PRUNE2: variants seen among roughly 807,000 people sequenced by gnomAD.
The protein encoded by PRUNE2 is protein prune homolog 2.
In PRUNE2, 164 loss-of-function variants were observed where a neutral mutation model predicts 252.0. The observed-to-expected ratio is 0.65, with a 90% CI of 0.57 to 0.74. The LOEUF is 0.74. PRUNE2 is among the 30% of genes least tolerant of loss of function. The pLI, the probability that PRUNE2 is intolerant of heterozygous loss-of-function variation, is 0.00. For missense variants in PRUNE2, 3,495 were observed against 3,711.0 expected, an observed-to-expected ratio of 0.94 and a Z score of 1.51; for synonymous variants, 1,292 against 1,350.2, an observed-to-expected ratio of 0.96 and a Z score of 0.94.
chr9:76,648,060 A>C (rs1470330767), intron 11 of PRUNE2, among the ~76,000 whole-genome samples: 1 of 152,210 alleles, frequency 6.6e-6, no homozygotes, highest in Non-Finnish European at 1.5e-5. Flanking sequence ...ACAGGTAAGC[A>C]TGTGAAAAGA....
chr9:76,832,828 A>AC (rs2058743903), intron 4 of PRUNE2, among the ~76,000 whole-genome samples: 2 of 152,044 alleles, frequency 1.3e-5, no homozygotes, highest in African/African-American at 4.8e-5. Context: ...AAGAAGACAT[A>AC]GTTTACCAAT....
At chr9:76,777,150 G>A (rs751516906) in intron 6 of PRUNE2, among the ~76,000 whole-genome samples, 2 of 152,082 alleles carry the variant, frequency 1.3e-5, no homozygotes, top group African/African-American at 2.4e-5. Flanking sequence ...GTGGGGGAGG[G>A]CAGAGAAGGG....
chr9:76,872,320 C>A (rs1490712226), intron 1 of PRUNE2, among the ~76,000 whole-genome samples: 1 of 152,158 alleles, frequency 6.6e-6, no homozygotes, highest in Non-Finnish European at 1.5e-5. Context: ...AGCAACGATG[C>A]ACAAAAGCCA....
chr9:76,643,260 T>C (rs961235480), intron 12 of PRUNE2, among the ~76,000 whole-genome samples: 2 of 152,190 alleles, frequency 1.3e-5, no homozygotes, highest in Non-Finnish European at 2.9e-5. Context: ...ACAGGGACTC[T>C]GCATTTAGGA....
intron 6 of PRUNE2, among the ~76,000 whole-genome samples, chr9:76,776,911 C>T (rs925920410): frequency 2.7e-5 from 4 of 148,156 alleles, no homozygotes; most frequent in African/African-American, 1.0e-4. Context: ...CACACACACA[C>T]ACACACACAC....
At chr9:76,672,164 C>A in intron 9 of PRUNE2, among the ~76,000 whole-genome samples, 1 of 149,050 alleles carries the variant, frequency 6.7e-6, no homozygotes, top group Admixed American at 6.7e-5. Flanking sequence ...ACCCATCTCA[C>A]GTGCACAGAC....
chr9:76,632,661 A>T (rs1282672046), intron 15 of PRUNE2, among the ~76,000 whole-genome samples: 1 of 152,094 alleles, frequency 6.6e-6, no homozygotes, highest in Non-Finnish European at 1.5e-5. Context: ...GGGCTCAGGT[A>T]ATCCTCCTAT....
intron 9 of PRUNE2, among the ~76,000 whole-genome samples, chr9:76,657,970 C>T (rs1849854778): frequency 6.6e-6 from 1 of 152,180 alleles, no homozygotes; most frequent in Non-Finnish European, 1.5e-5. Flanking sequence ...CAGATTTCTT[C>T]CCCCTGTGTT....
chr9:76,636,645 T>C (rs1840187007), intron 14 of PRUNE2, 88 bp from the exon 15 acceptor site: 1 of 750,626 alleles, frequency 1.3e-6, no homozygotes, highest in African/African-American at 1.8e-5. Flanking sequence ...AATAAGAATA[T>C]ATATAATTTA....
intron 6 of PRUNE2, among the ~76,000 whole-genome samples, chr9:76,774,454 T>TTTATTTATTTATTTATTTA (rs1564272510): frequency 1.8e-5 from 1 of 54,530 alleles, no homozygotes; most frequent in Non-Finnish European, 3.1e-5. Context: ...TCAACCCTTT[T>TTTATTTATTTATTTATTTA]TTTTTTTTTT....
chr9:76,695,904 A>G (rs1452597326), intron 9 of PRUNE2, among the ~76,000 whole-genome samples: 2 of 152,132 alleles, frequency 1.3e-5, no homozygotes, highest in Admixed American at 6.5e-5. Context: ...AGATCTTTTC[A>G]GATGGAAAAA....
intron 1 of PRUNE2, among the ~76,000 whole-genome samples, chr9:76,893,615 G>A (rs2062626350): frequency 6.6e-6 from 1 of 152,224 alleles, no homozygotes; most frequent in Non-Finnish European, 1.5e-5. Flanking sequence ...CTTTGTGTAT[G>A]AATTGATTTG....
At chr9:76,773,060 T>A (rs1250672556) in intron 6 of PRUNE2, among the ~76,000 whole-genome samples, 6 of 152,242 alleles carry the variant, frequency 3.9e-5, no homozygotes, top group Non-Finnish European at 1.5e-5. Flanking sequence ...ATCAACAATA[T>A]AATTTCTTAC....
intron 6 of PRUNE2, among the ~76,000 whole-genome samples, chr9:76,728,791 T>A (rs78220745): frequency 0.012 from 1,753 of 152,304 alleles, 33 homozygotes; most frequent in East Asian, 0.082. Context: ...GCAAGTTACT[T>A]ATTAGGCTAA....
intron 11 of PRUNE2, among the ~76,000 whole-genome samples, chr9:76,647,992 C>T (rs1367301737): frequency 6.6e-6 from 1 of 151,736 alleles, no homozygotes; most frequent in Non-Finnish European, 1.5e-5. Flanking sequence ...AAAAACTCAA[C>T]AATAAGAAAA....
At chr9:76,744,214 T>A (rs1018895898) in intron 6 of PRUNE2, among the ~76,000 whole-genome samples, 1 of 152,248 alleles carries the variant, frequency 6.6e-6, no homozygotes. Flanking sequence ...TAATCATTTA[T>A]TCTGTTGGCA....
Position 76,827,320 on chromosome 9 carries a change from G to C in PRUNE2, c.509-588C>G, listed in dbSNP as rs184044481. 3.6e-3 allele frequency among the ~76,000 whole-genome samples: 554 copies of C among 152,244 alleles called. 4 individuals carry two copies. The highest frequency in any genetic ancestry group is 5.9e-3 in the Non-Finnish European group (404 of 68,024). On this transcript the variant is annotated intron_variant, in intron 4 of 18. Transcript: ENST00000376718. ...GTCATTTACAATTATCTAATTATAA[G>C]GACTCACAAGCTGGGTCTAAATCAC...
At chr9:76,819,736 T>A (rs559611603) in intron 6 of PRUNE2, among the ~76,000 whole-genome samples, 1 of 152,314 alleles carries the variant, frequency 6.6e-6, no homozygotes, top group African/African-American at 2.4e-5. Context: ...GGGAGATGCT[T>A]AAAGAAGATG....
rs764845013 is a variant in PRUNE2, at chr9:76,707,157, T to C, written c.5117A>G (p.Asn1706Ser). The change falls in exon 8 of 19, where the codon AAC becomes AGC. Residue 1706 changes from asparagine to serine, a missense_variant. Asn to Ser is a conservative substitution (Grantham distance 46). Transcript: ENST00000376718. ...ESIEEEIQVA[N>S]CHVAEDESRA... is the part of the protein sequence containing the mutation. ...GGATTCATCCTCAGCAACGTGGCAGTTGGCCACCTGGATCTCTTCCTCTAT... is the reference window on the plus strand; with the variant it reads ...GGATTCATCCTCAGCAACGTGGCAGCTGGCCACCTGGATCTCTTCCTCTAT... The C allele has an allele frequency of 2.0e-5, 33 of 1,613,850 alleles. No individual in the cohort carries two copies. The highest frequency in any genetic ancestry group is 2.7e-5 in the Non-Finnish European group (32 of 1,179,868).
Sources: allele counts gnomAD v4.1 joint callset (sites outside exome capture counted in the v4.1 genomes callset), GRCh38; gene constraint gnomAD v4.1.1; transcripts MANE v1.5; gene names NCBI Gene and HGNC (gene_info 2026-07-23, HGNC 2026-07-21).